Variants in TF observed in about 807,000 individuals in gnomAD.
TF encodes the protein serotransferrin.
Under a neutral mutation model 82.4 loss-of-function variants are expected in TF, and 55 were observed. That is an observed-to-expected ratio of 0.67 (90% CI 0.54 to 0.84). The LOEUF (loss-of-function observed/expected upper bound fraction) is 0.84. Ranked by LOEUF, TF falls within the 40% of genes least tolerant of loss-of-function variation. The pLI, the probability that TF is intolerant of heterozygous loss-of-function variation, is 0.00. For synonymous variants in TF, 332 were observed against 332.6 expected (o/e 1.00, Z 0.02); for missense variants, 737 against 868.4 (o/e 0.85, Z 1.90).
chr3:133,734,386 T>C, the TF span, among the ~76,000 whole-genome samples: 1 of 152,320 alleles, frequency 6.6e-6, no homozygotes, highest in East Asian at 1.9e-4. Context: ...TGTCTTGTTC[T>C]ATCAGAAAGT....
At chr3:133,737,557 A>C in the TF span, among the ~76,000 whole-genome samples, 5 of 152,068 alleles carry the variant, frequency 3.3e-5, no homozygotes, top group Non-Finnish European at 7.4e-5. Flanking sequence ...AGATTAACAA[A>C]ATGGACCGCT....
At chr3:133,735,474 A>G in the TF span, among the ~76,000 whole-genome samples, 1 of 152,224 alleles carries the variant, frequency 6.6e-6, no homozygotes, top group Non-Finnish European at 1.5e-5. Flanking sequence ...TGACAGAAAT[A>G]GGCTTCAGAA....
At chr3:133,683,158 G>A in the TF span, among the ~76,000 whole-genome samples, 1 of 152,206 alleles carries the variant, frequency 6.6e-6, no homozygotes, top group Non-Finnish European at 1.5e-5. Context: ...AATGCTGAGA[G>A]CTTTTGTCAA....
chr3:133,777,750 C>CCTG, intron 16 of TF: 1 of 165,392 alleles, frequency 6.0e-6, no homozygotes, highest in Non-Finnish European at 1.3e-5. Context: ...CAGTGCTGCT[C>CCTG]TAGACAGCTT....
the TF span, among the ~76,000 whole-genome samples, chr3:133,726,241 C>A: frequency 6.6e-6 from 1 of 152,222 alleles, no homozygotes; most frequent in Admixed American, 6.5e-5. Flanking sequence ...GGTACCAGTT[C>A]CTCCTTGTAC....
In TF at chr3:133,789,879, G is replaced by GT. The variant is rs56267966; in HGVS notation, c.*11288dup. On this transcript the variant is annotated 3_prime_UTR_variant, in exon 17 of 17. Transcript: ENST00000402696. ...GCCAAAACAAAACGATCTCGTTTGC[G>GT]TTTTTTTTTTTTTTTTTTTTTTTTT... The GT allele has an allele frequency of 9.9e-3, 878 of 88,920 alleles. 186 individuals are homozygous for GT. The highest frequency in any genetic ancestry group is 0.041 in the African/African-American group (748 of 18,232). 5.5% of individuals were successfully genotyped at this position (88,920 alleles called of 1,614,324 possible).
chr3:133,710,352 G>A, the TF span, among the ~76,000 whole-genome samples: 4 of 152,294 alleles, frequency 2.6e-5, no homozygotes, highest in South Asian at 4.1e-4. Flanking sequence ...GTCACAGCGC[G>A]GCAGAGCAGT....
At chr3:133,731,086 C>G in the TF span, among the ~76,000 whole-genome samples, 10 of 152,176 alleles carry the variant, frequency 6.6e-5, no homozygotes, top group Non-Finnish European at 1.3e-4. Flanking sequence ...GCTGAGAAAA[C>G]TGGTGAACTT....
intron 7 of TF, 72 bp downstream of exon 7, chr3:133,757,081 A>C (rs1019382577): frequency 3.1e-6 from 5 of 1,588,634 alleles, no homozygotes; most frequent in Non-Finnish European, 3.5e-6. Flanking sequence ...CCTCCTGGCC[A>C]TCTTGTCACT....
chr3:133,777,069 A>C lies in TF; in HGVS notation c.1893A>C (p.Val631=). 1 of 1,614,198 alleles carries C rather than the reference A, an allele frequency of 6.2e-7. No individual in the cohort carries two copies. The highest frequency in any genetic ancestry group is 8.5e-7 in the Non-Finnish European group (1 of 1,180,032). Residue 631 remains valine (V), a synonymous_variant, in exon 16 of 17, where the codon GTA becomes GTC. Coordinates refer to ENST00000402696, the MANE Select transcript of TF (RefSeq NM_001063.4). ...RQQQHLFGSN[V]TDCSGNFCLF... ...GACAGCACCTATTTGGAAGCAACGT[A>C]ACTGACTGCTCGGGCAACTTTTGTT...
chr3:133,743,939 G>A (rs757552369), upstream of TF, among the ~76,000 whole-genome samples: 1 of 152,200 alleles, frequency 6.6e-6, no homozygotes, highest in Non-Finnish European at 1.5e-5. Flanking sequence ...GGAATGGCAA[G>A]CACGAAGCTC....
chr3:133,696,168 T>G, the TF span, among the ~76,000 whole-genome samples: 1 of 152,144 alleles, frequency 6.6e-6, no homozygotes, highest in African/African-American at 2.4e-5. Flanking sequence ...CTCATGCCTG[T>G]AATCTCAGCA....
chr3:133,704,390 A>G, the TF span: 1 of 205,900 alleles, frequency 4.9e-6, no homozygotes, highest in Non-Finnish European at 1.1e-5. Flanking sequence ...AAAGATGAGG[A>G]AATAACTTAG....
chr3:133,687,595 CT>C, the TF span, among the ~76,000 whole-genome samples: 1 of 152,188 alleles, frequency 6.6e-6, no homozygotes, highest in Non-Finnish European at 1.5e-5. Flanking sequence ...TCGTCACCCC[CT>C]ACCACATGGC....
At chr3:133,722,442 G>A in the TF span, among the ~76,000 whole-genome samples, 1 of 151,908 alleles carries the variant, frequency 6.6e-6, no homozygotes, top group Non-Finnish European at 1.5e-5. Context: ...ACTTACTCCT[G>A]ACATTTTTGT....
chr3:133,743,465 C>A (rs56052540), upstream of TF, among the ~76,000 whole-genome samples: 52 of 152,106 alleles, frequency 3.4e-4, no homozygotes, highest in African/African-American at 1.3e-3. Flanking sequence ...AGCTCCTTGG[C>A]CCCTGCATGT....
the TF span, among the ~76,000 whole-genome samples, chr3:133,674,637 G>A: frequency 9.9e-5 from 15 of 152,184 alleles, no homozygotes; most frequent in East Asian, 1.9e-4. Flanking sequence ...TGTGCGCCGG[G>A]GCCCTGAGTA....
At chr3:133,664,388 T>G in the TF span, among the ~76,000 whole-genome samples, 1 of 152,168 alleles carries the variant, frequency 6.6e-6, no homozygotes, top group Non-Finnish European at 1.5e-5. Flanking sequence ...GTTGGCACAA[T>G]GTCTGCTCAC....
At chr3:133,740,927 T>TTTC in the TF span, among the ~76,000 whole-genome samples, 4,829 of 109,750 alleles carry the variant, frequency 0.044, 140 homozygotes, top group East Asian at 0.18. Context: ...TTTTTTTTTT[T>TTTC]AATTTGAGTA....
Sources: gnomAD v4.1 joint callset for allele counts (sites outside exome capture counted in the v4.1 genomes callset) on GRCh38, gnomAD v4.1.1 for gene constraint, MANE v1.5 for transcripts, NCBI Gene and HGNC (gene_info 2026-07-23, HGNC 2026-07-21) for gene names.